Variants in PSMB1 observed in about 807,000 individuals in gnomAD.
PSMB1 encodes proteasome subunit beta type-1.
PSMB1 carries 7 observed loss-of-function variants against 25.4 expected under a neutral mutation model. The ratio of observed to expected loss-of-function variants is 0.28; its 90% CI spans 0.16 to 0.52. PSMB1 has a LOEUF of 0.52. Among genes scored for constraint, PSMB1 ranks in the 20% least tolerant of loss-of-function variants. PSMB1 has a pLI of 0.97. For synonymous variants in PSMB1, 119 were observed against 115.0 expected (o/e 1.03, Z -0.22); for missense variants, 284 against 302.2 (o/e 0.94, Z 0.45).
chr6:170,539,990 A>C (rs1362905325), intron 4 of PSMB1, among the ~76,000 whole-genome samples: 1 of 152,264 alleles, frequency 6.6e-6, no homozygotes, highest in African/African-American at 2.4e-5. Flanking sequence ...AACAGATACC[A>C]AAGTCCTACT....
intron 3 of PSMB1, among the ~76,000 whole-genome samples, chr6:170,545,673 T>C (rs920244649): frequency 3.3e-5 from 5 of 152,210 alleles, no homozygotes; most frequent in Non-Finnish European, 4.4e-5. Context: ...TTCGTATTTC[T>C]ACTCATGCAT....
intron 3 of PSMB1, 61 bp from the exon 4 acceptor site, chr6:170,543,791 A>G: frequency 4.1e-6 from 6 of 1,466,606 alleles, no homozygotes; most frequent in Admixed American, 4.2e-5. Flanking sequence ...GACTAGAACA[A>G]TCAACAGTAT....
Position 170,553,266 on chromosome 6 carries a change from G to A in PSMB1, c.-24C>T, listed in dbSNP as rs373030081. ...ATCGCACGGCTGCGCCTGCGGATCC[G>A]ACACTTGCTGTCTCACGGCGAGATG... On this transcript the variant is annotated 5_prime_UTR_variant, in exon 1 of 6. Transcript: ENST00000262193. 243 of 1,555,972 alleles carry A rather than the reference G, an allele frequency of 1.6e-4. No individual in the cohort carries two copies. The highest frequency in any genetic ancestry group is 1.9e-4 in the Non-Finnish European group (220 of 1,134,832).
intron 1 of PSMB1, chr6:170,550,349 G>A (rs893082419): frequency 2.0e-5 from 3 of 152,196 alleles, no homozygotes; most frequent in Admixed American, 2.0e-4. Context: ...AGGTTTATGT[G>A]ATGGACAGGG....
chr6:170,549,335 T>A, intron 1 of PSMB1: 1 of 469,308 alleles, frequency 2.1e-6, no homozygotes, highest in Non-Finnish European at 3.8e-6. Context: ...CAAAGTCTCC[T>A]TGGCAGGAGT....
At chr6:170,540,808 G>A (rs1339188245) in intron 4 of PSMB1, among the ~76,000 whole-genome samples, 1 of 151,964 alleles carries the variant, frequency 6.6e-6, no homozygotes, top group Non-Finnish European at 1.5e-5. Context: ...AGTAAAGGAT[G>A]AAAAGCTAAA....
chr6:170,549,506 A>AT lies in PSMB1; in HGVS notation c.114-394dup, dbSNP rs201498796. On this transcript the variant is annotated intron_variant, in intron 1 of 5. Transcript: ENST00000262193. ...GCTCTATGAGTTTAGAGAAGATGAG[A>AT]TTTTTTTTTCTTGCTTCATTTCTTT... 4.0e-4 allele frequency: 64 copies of AT among 158,218 alleles called. No individual in the cohort carries two copies. In the East Asian group the frequency reaches 6.6e-3, roughly 16 times the overall value. 9.8% of individuals were successfully genotyped at this position (158,218 alleles called of 1,614,324 possible).
Position 170,553,307 on chromosome 6 carries a change from C to A in PSMB1, c.-65G>T. 8.2e-7 allele frequency: 1 copy of A among 1,220,150 alleles called. No homozygotes were observed. Among genetic ancestry groups the A allele is most frequent in the Non-Finnish European group, 1.2e-6 (1 of 849,550 alleles). 75.6% of individuals were successfully genotyped at this position (1,220,150 alleles called of 1,614,324 possible). Reference sequence around the variant, plus strand: ...CGGCGAGATGGCTGCCTTGACCGGACGTTACGCCACTTCCGGCTTCTCCTG... The same window carrying A: ...CGGCGAGATGGCTGCCTTGACCGGAAGTTACGCCACTTCCGGCTTCTCCTG... On this transcript the variant is annotated 5_prime_UTR_variant, in exon 1 of 6. Transcript: ENST00000262193.
At chr6:170,546,222 A>T (rs1383813024) in intron 2 of PSMB1, 38 bp from the exon 3 acceptor site, 2 of 1,527,404 alleles carry the variant, frequency 1.3e-6, no homozygotes, top group Non-Finnish European at 1.8e-6. Flanking sequence ...AGCTGGTTAG[A>T]TAGTAGAGCA....
Position 170,537,423 on chromosome 6 carries a change from G to C in PSMB1, c.434-83C>G, listed in dbSNP as rs1382774283. On this transcript the variant is annotated intron_variant, in intron 4 of 5. Coordinates refer to ENST00000262193, the MANE Select transcript of PSMB1 (RefSeq NM_002793.4). ...GCAAAAATAAATCAGGTCAAAACGT[G>C]ACACAAAACGGACTATCACCTTGGC... 4 of 1,093,568 alleles carry C rather than the reference G, an allele frequency of 3.7e-6. No individual in the cohort carries two copies. In the African/African-American group the frequency reaches 6.1e-5, roughly 17 times the overall value. The allele number at this position is 1,093,568 out of a possible 1,614,324, so 67.7% of individuals were successfully genotyped here. A position where few individuals can be genotyped will look rare whatever the true frequency, so the allele number is the denominator to read the frequency against.
At chr6:170,547,881 C>CAAAAAAAAAAAAAAAAAAAAAAAAAAA (rs5881874) in intron 2 of PSMB1, among the ~76,000 whole-genome samples, 1 of 112,960 alleles carries the variant, frequency 8.9e-6, no homozygotes. Context: ...ACGTGTTTCA[C>CAAAAAAAAAAAAAAAAAAAAAAAAAAA]AAAAAAAAAA....
chr6:170,546,264 T>C (rs17860773), intron 2 of PSMB1, 80 bp from the exon 3 acceptor site: 47,602 of 1,160,988 alleles, frequency 0.041, 1,207 homozygotes, highest in Middle Eastern at 0.08. Context: ...AAATTTAAAA[T>C]TCTGATTCCC....
chr6:170,553,037 CG>C (rs1562355270), intron 1 of PSMB1, 92 bp downstream of exon 1: 1 of 1,150,326 alleles, frequency 8.7e-7, no homozygotes, highest in Non-Finnish European at 1.2e-6. Context: ...TGCAGGAGCC[CG>C]GGGCAGCGCC....
chr6:170,551,956 A>C (rs1778908649), intron 1 of PSMB1, among the ~76,000 whole-genome samples: 1 of 152,240 alleles, frequency 6.6e-6, no homozygotes, highest in Non-Finnish European at 1.5e-5. Flanking sequence ...AGAAGTACCC[A>C]AAGTGTCCTT....
At position 170,539,858 on chromosome 6, in the gene PSMB1, T is replaced by G. The variant is rs78129840; in HGVS notation, c.434-2518A>C. 9.0e-3 allele frequency among the ~76,000 whole-genome samples: 1,372 copies of G among 152,274 alleles called. 11 individuals are homozygous for G. Among genetic ancestry groups the G allele is most frequent in the Non-Finnish European group, 0.015 (1,009 of 68,020 alleles). On this transcript the variant is annotated intron_variant, in intron 4 of 5. Coordinates refer to ENST00000262193, the MANE Select transcript of PSMB1 (RefSeq NM_002793.4). ...CCCTTTAGAGGACTGGTTAGGTAAA[T>G]GATGCTATGTATTACAGCAGCAAAA...
intron 3 of PSMB1, among the ~76,000 whole-genome samples, chr6:170,545,204 T>C (rs1583115278): frequency 6.6e-6 from 1 of 152,320 alleles, no homozygotes; most frequent in Admixed American, 6.5e-5. Context: ...AACATTTATT[T>C]ACTTCACCAC....
chr6:170,549,186 G>T, intron 1 of PSMB1, 73 bp from the exon 2 acceptor site: 5 of 785,372 alleles, frequency 6.4e-6, no homozygotes, highest in Middle Eastern at 4.6e-4. Flanking sequence ...ATGCTCCATA[G>T]TACATAATGG....
rs777257978 is a variant in PSMB1, at chr6:170,535,218, G to C, written c.*2C>G. 3.1e-6 allele frequency: 5 copies of C among 1,613,490 alleles called. No individual in the cohort carries two copies. In the East Asian group the frequency reaches 1.1e-4, roughly 36 times the overall value. On this transcript the variant is annotated 3_prime_UTR_variant, in exon 6 of 6. Transcript: ENST00000262193. Reference sequence around the variant, plus strand: ...AACTGATTGGTGATAAGAGCACACAGATCAGTCCTTCCTTAAGGAAACAGT... The same window carrying C: ...AACTGATTGGTGATAAGAGCACACACATCAGTCCTTCCTTAAGGAAACAGT...
At chr6:170,537,070 G>A (rs1167049599) in intron 5 of PSMB1, among the ~76,000 whole-genome samples, 164 bp downstream of exon 5, 3 of 152,146 alleles carry the variant, frequency 2.0e-5, no homozygotes, top group African/African-American at 7.2e-5. Context: ...AGACCATGAG[G>A]TTTCTGTAGG....
Sources: gnomAD v4.1 joint callset for allele counts (sites outside exome capture counted in the v4.1 genomes callset) on GRCh38, gnomAD v4.1.1 for gene constraint, MANE v1.5 for transcripts, NCBI Gene and HGNC (gene_info 2026-07-23, HGNC 2026-07-21) for gene names.